DNAH12: variants seen among roughly 807,000 people sequenced by gnomAD.
DNAH12 encodes the protein axonemal beta dynein heavy chain 12.
Under a neutral mutation model 371.5 loss-of-function variants are expected in DNAH12, and 285 were observed. The ratio of observed to expected loss-of-function variants is 0.77; its 90% confidence interval spans 0.70 to 0.85. DNAH12 has a LOEUF of 0.85. DNAH12 is among the 40% of genes least tolerant of loss of function. DNAH12 has a pLI of 0.00. For synonymous variants in DNAH12, 1,200 were observed against 1,213.0 expected (o/e 0.99, Z 0.22); for missense variants, 3,611 against 3,689.4 (o/e 0.98, Z 0.55).
chr3:57,422,308 A>G (rs1400700225), intron 35 of DNAH12, among the ~76,000 whole-genome samples: 1 of 151,918 alleles, frequency 6.6e-6, no homozygotes, highest in Non-Finnish European at 1.5e-5. Flanking sequence ...GCTCACTGCA[A>G]CCTCTACTTC....
intron 8 of DNAH12, among the ~76,000 whole-genome samples, chr3:57,506,076 A>G (rs954597790): frequency 2.0e-4 from 30 of 152,118 alleles, no homozygotes; most frequent in African/African-American, 6.8e-4. Flanking sequence ...AATATCAACA[A>G]TCTTAAAATG....
intron 60 of DNAH12, among the ~76,000 whole-genome samples, chr3:57,342,787 A>G (rs917299017): frequency 3.3e-5 from 5 of 152,148 alleles, no homozygotes; most frequent in Admixed American, 3.3e-4. Flanking sequence ...TAAATGGGCA[A>G]ATGAGGCTAG....
At chr3:57,443,681 G>A (rs188839265) in intron 29 of DNAH12, among the ~76,000 whole-genome samples, 45 of 151,818 alleles carry the variant, frequency 3.0e-4, no homozygotes, top group African/African-American at 9.7e-4. Flanking sequence ...GTTACCGTGT[G>A]CATCTGTGTT....
At chr3:57,431,235 C>T (rs1167614576) in intron 32 of DNAH12, among the ~76,000 whole-genome samples, 1 of 152,144 alleles carries the variant, frequency 6.6e-6, no homozygotes, top group Non-Finnish European at 1.5e-5. Context: ...TTCCCTGCCA[C>T]TCAACAGTAC....
chr3:57,331,510 A>C (rs567885054), intron 62 of DNAH12, among the ~76,000 whole-genome samples: 1 of 152,298 alleles, frequency 6.6e-6, no homozygotes, highest in South Asian at 2.1e-4. Context: ...ACCAAGTACA[A>C]AGGTCTTTGG....
intron 8 of DNAH12, among the ~76,000 whole-genome samples, chr3:57,505,701 A>C (rs538145231): frequency 5.3e-5 from 8 of 151,942 alleles, no homozygotes; most frequent in African/African-American, 1.7e-4. Context: ...TTGGCCTCCC[A>C]AAGTGCTGGG....
rs1301727581 is a variant in DNAH12, at chr3:57,373,473, C to T, written c.8759+1898G>A. 3.6e-5 allele frequency among the ~76,000 whole-genome samples: 5 copies of T among 139,538 alleles called. No individual in the cohort carries two copies. In the East Asian group the frequency reaches 9.7e-4, roughly 27 times the overall value. 91.5% of individuals were successfully genotyped at this position (139,538 alleles called of 152,430 possible). On this transcript the variant is annotated intron_variant, in intron 55 of 73. Coordinates refer to ENST00000495027, the MANE Select transcript of DNAH12 (RefSeq NM_001366028.2). The stretch of plus-strand genomic sequence containing the variant: ...TGGATTACAGGTGCACACCACCACA[C>T]CTGGCTAATTTTTTTTTTTTTTTTG...
At chr3:57,333,250 C>A (rs1282526886) in intron 62 of DNAH12, among the ~76,000 whole-genome samples, 1 of 151,596 alleles carries the variant, frequency 6.6e-6, no homozygotes, top group Non-Finnish European at 1.5e-5. Context: ...ACCTAGCGAT[C>A]CACCCACCTC....
At chr3:57,394,491 G>A (rs1477873253) in intron 43 of DNAH12, among the ~76,000 whole-genome samples, 159 bp from the exon 44 acceptor site, 11 of 152,070 alleles carry the variant, frequency 7.2e-5, no homozygotes, top group Admixed American at 5.9e-4. Context: ...CACTGCCTCC[G>A]TCCCCTGGGT....
intron 56 of DNAH12, among the ~76,000 whole-genome samples, chr3:57,367,390 C>A (rs1432466570): frequency 3.3e-5 from 5 of 152,078 alleles, no homozygotes; most frequent in East Asian, 3.8e-4. Context: ...AGCAAGTAAG[C>A]AATTATACAG....
chr3:57,497,472 G>T (rs1189079547), intron 11 of DNAH12, among the ~76,000 whole-genome samples: 1 of 152,210 alleles, frequency 6.6e-6, no homozygotes, highest in Non-Finnish European at 1.5e-5. Context: ...AAGATGGCAA[G>T]ATAATTCAAT....
the DNAH12 span, among the ~76,000 whole-genome samples, chr3:57,554,659 A>G: frequency 6.6e-6 from 1 of 152,206 alleles, no homozygotes; most frequent in South Asian, 2.1e-4. Context: ...CTTGTTGCCC[A>G]GGCTGGAGTG....
At chr3:57,343,419 G>C (rs2062453339) in intron 60 of DNAH12, among the ~76,000 whole-genome samples, 2 of 152,240 alleles carry the variant, frequency 1.3e-5, no homozygotes, top group Non-Finnish European at 2.9e-5. Flanking sequence ...TGCAGGACTT[G>C]CCTTGTTAAC....
chr3:57,371,941 C>CAAAAAAAAAAAAAAAAAAAAAAAAAAAAA (rs1169602185), intron 55 of DNAH12, among the ~76,000 whole-genome samples: 2 of 25,846 alleles, frequency 7.7e-5, no homozygotes, highest in Admixed American at 3.3e-4. Context: ...CTAAACTCAG[C>CAAAAAAAAAAAAAAAAAAAAAAAAAAAAA]AAAAAAAAAA....
chr3:57,451,037 G>T (rs1443841946), intron 25 of DNAH12, among the ~76,000 whole-genome samples: 1 of 152,240 alleles, frequency 6.6e-6, no homozygotes, highest in Admixed American at 6.5e-5. Flanking sequence ...ATGCTTCAGA[G>T]TGCCCTGTGA....
In DNAH12 at chr3:57,421,646, G is replaced by A. The variant is rs1256412192; in HGVS notation, c.5434C>T (p.Arg1812Cys). ...IGGSCDTDGR[R>C]VFDTFIRLII... ...AATCGTATGAAAGTATCAAAAACAC[G>A]ACGGCCATCTGTATCACAACTTCCT... The change falls in exon 36 of 74, where the codon CGT becomes TGT. Residue 1812 changes from arginine to cysteine, a missense_variant. By Grantham distance (180) the Arg-to-Cys change is radical. Coordinates refer to ENST00000495027, the MANE Select transcript of DNAH12 (RefSeq NM_001366028.2). 13 of 1,551,360 alleles carry A rather than the reference G, an allele frequency of 8.4e-6. No individual in the cohort carries two copies. The East Asian group carries it at 2.0e-4, about 23-fold the overall frequency.
chr3:57,495,948 C>CTATTTATA (rs1273933974), intron 11 of DNAH12, among the ~76,000 whole-genome samples: 3 of 137,546 alleles, frequency 2.2e-5, no homozygotes, highest in African/African-American at 8.6e-5. Flanking sequence ...ACTATTTTAT[C>CTATTTATA]TATTTATATA....
At chr3:57,416,780 GA>G (rs2064389219) in intron 37 of DNAH12, among the ~76,000 whole-genome samples, 1 of 152,028 alleles carries the variant, frequency 6.6e-6, no homozygotes, top group Non-Finnish European at 1.5e-5. Flanking sequence ...CCCATTCAGT[GA>G]ATGGGGAATT....
chr3:57,454,639 G>A, intron 23 of DNAH12, 136 bp downstream of exon 23: 3 of 1,193,318 alleles, frequency 2.5e-6, no homozygotes, highest in Non-Finnish European at 2.3e-6. Context: ...GGAGGTTGAA[G>A]TGGGAGGATT....
Sources: gnomAD v4.1 joint callset for allele counts (sites outside exome capture counted in the v4.1 genomes callset) on GRCh38, gnomAD v4.1.1 for gene constraint, MANE v1.5 for transcripts, NCBI Gene and HGNC (gene_info 2026-07-23, HGNC 2026-07-21) for gene names.